ZMIZ1: variants seen among roughly 807,000 people sequenced by gnomAD.
ZMIZ1 encodes the protein zinc finger MIZ-type containing 1, also known as zinc finger MIZ domain-containing protein 1.
ZMIZ1 carries 17 observed loss-of-function variants against 113.9 expected under a neutral mutation model. That is an observed-to-expected ratio of 0.15 (90% CI 0.10 to 0.22). The LOEUF is 0.22. Among genes scored for constraint, ZMIZ1 ranks in the 10% least tolerant of loss-of-function variants. The pLI, the probability that ZMIZ1 is intolerant of heterozygous loss-of-function variation, is 1.00. For synonymous variants in ZMIZ1, 607 were observed against 603.1 expected, an observed-to-expected ratio of 1.01 and a Z score of -0.09; for missense variants, 1,059 against 1,477.8, an observed-to-expected ratio of 0.72 and a Z score of 4.65.
chr10:79,181,574 G>A (rs1451772929), intron 4 of ZMIZ1, among the ~76,000 whole-genome samples: 4 of 152,176 alleles, frequency 2.6e-5, no homozygotes. Flanking sequence ...CCGGGGTGAA[G>A]CCCAGGCATC....
intron 7 of ZMIZ1, among the ~76,000 whole-genome samples, chr10:79,267,524 TG>T (rs1187614104): frequency 6.6e-6 from 1 of 152,172 alleles, no homozygotes; most frequent in Non-Finnish European, 1.5e-5. Context: ...GTAATTTAGG[TG>T]GTAGGTGCTA....
chr10:79,138,126 A>G (rs990112589), intron 2 of ZMIZ1, among the ~76,000 whole-genome samples: 2 of 152,130 alleles, frequency 1.3e-5, no homozygotes, highest in African/African-American at 4.8e-5. Flanking sequence ...GCAGAGTGGG[A>G]AAGGACAGAG....
intron 7 of ZMIZ1, among the ~76,000 whole-genome samples, chr10:79,243,929 C>G (rs1850031685): frequency 6.6e-6 from 1 of 152,228 alleles, no homozygotes; most frequent in South Asian, 2.1e-4. Flanking sequence ...TGCACCGGGC[C>G]GGTTTTGTGT....
At chr10:79,182,755 G>A (rs1490162939) in intron 4 of ZMIZ1, among the ~76,000 whole-genome samples, 1 of 152,222 alleles carries the variant, frequency 6.6e-6, no homozygotes, top group East Asian at 1.9e-4. Context: ...CCGAGGCCGA[G>A]CCCAGTCACT....
chr10:79,069,910 T>G lies in ZMIZ1; in HGVS notation c.-337+640T>G, dbSNP rs12415518. ...GAAACGCGGAGGTGTGTGTGCAGGG[T>G]TTTCTCCCAGGGCTTCGCAAGCCAG... is the stretch of plus-strand genomic sequence containing the variant. On this transcript the variant is annotated intron_variant, in intron 1 of 24. Coordinates refer to ENST00000334512, the MANE Select transcript of ZMIZ1 (RefSeq NM_020338.4). This position sits in a 1 kb window ranked among gnomAD's most constrained non-coding sequence, Gnocchi z 4.6. 0.069 allele frequency among the ~76,000 whole-genome samples: 10,360 copies of G among 150,956 alleles called. 664 individuals carry two copies. The highest frequency in any genetic ancestry group is 0.3 in the East Asian group (1,502 of 5,006).
intron 2 of ZMIZ1, among the ~76,000 whole-genome samples, chr10:79,130,171 C>T (rs938925278): frequency 6.6e-6 from 1 of 152,238 alleles, no homozygotes; most frequent in African/African-American, 2.4e-5. Flanking sequence ...CATCTTCCTG[C>T]TTCTGAATCC....
intron 8 of ZMIZ1, among the ~76,000 whole-genome samples, chr10:79,282,006 G>T (rs779558707): frequency 6.6e-5 from 10 of 152,154 alleles, no homozygotes; most frequent in African/African-American, 1.9e-4. Context: ...TTAATAGCCC[G>T]TGTTCCTTCT....
chr10:79,166,583 A>T (rs1327499386), intron 4 of ZMIZ1, among the ~76,000 whole-genome samples: 1 of 152,250 alleles, frequency 6.6e-6, no homozygotes, highest in Non-Finnish European at 1.5e-5. Context: ...CTGGAGCAGG[A>T]GAACGAGAGG....
intron 4 of ZMIZ1, among the ~76,000 whole-genome samples, chr10:79,189,583 A>C (rs1847511439): frequency 6.6e-6 from 1 of 152,230 alleles, no homozygotes; most frequent in Non-Finnish European, 1.5e-5. Flanking sequence ...CACAGAAGCC[A>C]GCAAGTGTCA....
intron 4 of ZMIZ1, among the ~76,000 whole-genome samples, chr10:79,200,210 G>A (rs1246406898): frequency 3.3e-5 from 5 of 152,224 alleles, no homozygotes; most frequent in African/African-American, 1.2e-4. Flanking sequence ...AGCACCCTGG[G>A]TGTGATCCAA....
chr10:79,194,869 G>A (rs2132626195), intron 4 of ZMIZ1, among the ~76,000 whole-genome samples: 1 of 152,326 alleles, frequency 6.6e-6, no homozygotes, highest in Admixed American at 6.5e-5. Context: ...TCTGCTGGGT[G>A]GTGAGAAGTG....
chr10:79,152,343 A>G (rs1343876637), intron 3 of ZMIZ1, among the ~76,000 whole-genome samples: 1 of 152,150 alleles, frequency 6.6e-6, no homozygotes, highest in East Asian at 1.9e-4. Flanking sequence ...TACAAAAAAT[A>G]TAAAAAATTA....
intron 4 of ZMIZ1, among the ~76,000 whole-genome samples, chr10:79,180,411 C>T (rs973788855): frequency 6.6e-6 from 1 of 152,190 alleles, no homozygotes; most frequent in African/African-American, 2.4e-5. Context: ...TGACCCCTGT[C>T]AGAGCTAGCT....
chr10:79,226,007 C>T (rs1849186690), intron 7 of ZMIZ1, among the ~76,000 whole-genome samples: 1 of 152,296 alleles, frequency 6.6e-6, no homozygotes, highest in African/African-American at 2.4e-5. Flanking sequence ...GTGCCAGGCC[C>T]ACCTCATGCT....
intron 4 of ZMIZ1, among the ~76,000 whole-genome samples, chr10:79,200,810 C>T (rs1353964634): frequency 1.6e-5 from 2 of 122,724 alleles, no homozygotes; most frequent in Non-Finnish European, 3.6e-5. Context: ...AGGGCAGATG[C>T]CACCTGAGAT....
At chr10:79,183,950 G>A (rs1361072200) in intron 4 of ZMIZ1, among the ~76,000 whole-genome samples, 1 of 152,170 alleles carries the variant, frequency 6.6e-6, no homozygotes, top group Non-Finnish European at 1.5e-5. Flanking sequence ...TTAGCCTCCA[G>A]TGCCTTCTCA....
At chr10:79,249,429 C>A (rs1850408941) in intron 7 of ZMIZ1, among the ~76,000 whole-genome samples, 1 of 152,212 alleles carries the variant, frequency 6.6e-6, no homozygotes, top group African/African-American at 2.4e-5. Context: ...AGCATGAGGA[C>A]ATGGCGGCCC....
chr10:79,274,735 T>C (rs1852162003), intron 7 of ZMIZ1, among the ~76,000 whole-genome samples: 1 of 152,174 alleles, frequency 6.6e-6, no homozygotes, highest in Admixed American at 6.5e-5. Flanking sequence ...GATCCACATA[T>C]CACGCCTGTT....
chr10:79,105,290 G>A (rs1275975010), intron 1 of ZMIZ1, among the ~76,000 whole-genome samples: 2 of 152,172 alleles, frequency 1.3e-5, no homozygotes, highest in Non-Finnish European at 2.9e-5. Context: ...GAAGGTGGTG[G>A]CAGAGAAGAG....
Sources: allele counts gnomAD v4.1 joint callset (sites outside exome capture counted in the v4.1 genomes callset), GRCh38; gene constraint gnomAD v4.1.1; non-coding constraint Gnocchi (gnomAD v3.1); transcripts MANE v1.5; gene names NCBI Gene and HGNC (gene_info 2026-07-23, HGNC 2026-07-21).